Variants in YIPF6 observed in about 807,000 individuals in gnomAD.
The protein encoded by YIPF6 is Yip1 domain family member 6, also known as protein YIPF6.
YIPF6 carries 3 observed loss-of-function variants against 16.8 expected under a neutral mutation model. The ratio of observed to expected loss-of-function variants is 0.18; its 90% CI spans 0.08 to 0.46. YIPF6 has a LOEUF of 0.46. YIPF6 is among the 20% of genes least tolerant of loss of function. The probability of loss-of-function intolerance (pLI) is 0.98; values close to 1 mark genes in which losing one functional copy is unlikely to be tolerated. For synonymous variants in YIPF6, 67 were observed against 61.9 expected, an observed-to-expected ratio of 1.08 and a Z score of -0.38; for missense variants, 145 against 184.9, an observed-to-expected ratio of 0.78 and a Z score of 1.25.
intron 4 of YIPF6, among the ~76,000 whole-genome samples, chrX:68,520,617 G>A (rs1044798007): frequency 1.8e-5 from 2 of 111,150 alleles, no homozygotes; most frequent in African/African-American, 3.3e-5. Context: ...GACTATAGGC[G>A]TGTACCACCA....
chrX:68,500,535 G>A (rs568373707), intron 1 of YIPF6, among the ~76,000 whole-genome samples: 1 of 111,026 alleles, frequency 9.0e-6, no homozygotes, highest in African/African-American at 3.3e-5. Flanking sequence ...GGCTAGTCTC[G>A]AACTCCTGAC....
At chrX:68,528,747 G>C (rs1285305897) in intron 6 of YIPF6, among the ~76,000 whole-genome samples, 2 of 111,503 alleles carry the variant, frequency 1.8e-5, no homozygotes, top group Admixed American at 1.9e-4. Flanking sequence ...ATGAAGATTA[G>C]TTTGTCTGGA....
At chrX:68,504,147 C>T (rs192127082) in intron 1 of YIPF6, among the ~76,000 whole-genome samples, 117 of 112,025 alleles carry the variant, frequency 1.0e-3, no homozygotes, top group Non-Finnish European at 1.9e-3. Context: ...ATACACAGGG[C>T]GAGGTCTGAC....
intron 3 of YIPF6, among the ~76,000 whole-genome samples, chrX:68,516,016 C>T (rs777262246): frequency 3.6e-5 from 4 of 110,685 alleles, no homozygotes; most frequent in South Asian, 3.8e-4. Context: ...CCAGCTACTC[C>T]GGAGGCTGAG....
At chrX:68,522,544 A>ACC (rs375985805) in intron 5 of YIPF6, among the ~76,000 whole-genome samples, 1 of 108,379 alleles carries the variant, frequency 9.2e-6, no homozygotes, top group Non-Finnish European at 1.9e-5. Context: ...CAGGTGATCC[A>ACC]CCCCCCCACC....
At chrX:68,520,669 G>A (rs1756780304) in intron 4 of YIPF6, among the ~76,000 whole-genome samples, 1 of 110,896 alleles carries the variant, frequency 9.0e-6, no homozygotes, top group Non-Finnish European at 1.9e-5. Context: ...CGGGGGTTTC[G>A]TCATGTTGCC....
At chrX:68,506,888 T>G (rs1285091174) in intron 1 of YIPF6, among the ~76,000 whole-genome samples, 3 of 111,519 alleles carry the variant, frequency 2.7e-5, no homozygotes, top group Non-Finnish European at 5.6e-5. Flanking sequence ...TAGCTGGAAC[T>G]ATAGGTGTGT....
rs186129207 is a variant in YIPF6, at chrX:68,526,200, T to A, written c.592+3283T>A. The stretch of plus-strand genomic sequence containing the variant: ...TAGTTCTCCTTGAAGAGGTCCTTCA[T>A]ATCCCTTGTAAGTTGGATTCCTAGG... On this transcript the variant is annotated intron_variant, in intron 6 of 6. Transcript: ENST00000462683. 2.0e-3 allele frequency among the ~76,000 whole-genome samples: 224 copies of A among 111,418 alleles called. 2 individuals carry two copies. The highest frequency in any genetic ancestry group is 7.0e-3 in the African/African-American group (214 of 30,758).
Position 68,536,388 on chromosome X carries a change from A to G in YIPF6, c.*4389A>G, listed in dbSNP as rs1465102409. On this transcript the variant is annotated 3_prime_UTR_variant, in exon 7 of 7. Transcript: ENST00000462683. ...AATTGAGGCACTGAGAGGTTAAGTAAATTGCCCACGGTCACACAGTAATTT... is the reference window on the plus strand; with the variant it reads ...AATTGAGGCACTGAGAGGTTAAGTAGATTGCCCACGGTCACACAGTAATTT... 9.0e-6 allele frequency: 1 copy of G among 111,555 alleles called. No homozygotes were observed. The allele number at this position is 111,555 out of a possible 1,213,427, so 9.2% of individuals were successfully genotyped here.
chrX:68,521,675 C>A (rs150870435), intron 5 of YIPF6, among the ~76,000 whole-genome samples, 178 bp downstream of exon 5: 43 of 108,467 alleles, frequency 4.0e-4, no homozygotes, highest in African/African-American at 1.2e-3. Flanking sequence ...CCAGGCTCAG[C>A]GTCCCAAGTA....
intron 1 of YIPF6, among the ~76,000 whole-genome samples, chrX:68,507,884 G>A (rs1392367553): frequency 1.8e-5 from 2 of 110,326 alleles, no homozygotes; most frequent in African/African-American, 3.3e-5. Context: ...GATTACAGGC[G>A]TGAGCCACCA....
At chrX:68,499,797 C>G (rs979840758) in intron 1 of YIPF6, among the ~76,000 whole-genome samples, 1 of 111,839 alleles carries the variant, frequency 8.9e-6, no homozygotes, top group African/African-American at 3.3e-5. Context: ...GTCACCACAC[C>G]AGGCTAATTT....
intron 2 of YIPF6, among the ~76,000 whole-genome samples, chrX:68,512,849 A>G (rs955830714): frequency 1.3e-5 from 1 of 76,424 alleles, no homozygotes; most frequent in Non-Finnish European, 2.6e-5. Flanking sequence ...TTTTTTTTGT[A>G]TCTGGCATCT....
intron 1 of YIPF6, among the ~76,000 whole-genome samples, chrX:68,500,580 G>T (rs866568003): frequency 8.9e-6 from 1 of 111,802 alleles, no homozygotes; most frequent in Middle Eastern, 4.6e-3. Flanking sequence ...CTCCCAAAGT[G>T]CTGGGACACA....
rs373713089 is a variant in YIPF6 at position 68,500,338 on chromosome X, G to A, written c.57+1215G>A. 1.5e-4 allele frequency among the ~76,000 whole-genome samples: 16 copies of A among 108,063 alleles called. No individual in the cohort carries two copies. The East Asian group carries it at 3.8e-3, about 25-fold the overall frequency. The allele number at this position is 108,063 out of a possible 115,157, so 93.8% of individuals were successfully genotyped here. A position where few individuals can be genotyped will look rare whatever the true frequency, so the allele number is the denominator to read the frequency against. ...TTTTTTCTTTTTCTTTTTTTGAGAC[G>A]GAGTTTTGCTCTTGTCACCCAGGTT... On this transcript the variant is annotated intron_variant, in intron 1 of 6. Coordinates refer to ENST00000462683, the MANE Select transcript of YIPF6 (RefSeq NM_173834.4).
At chrX:68,519,903 T>C (rs1273368834) in intron 4 of YIPF6, among the ~76,000 whole-genome samples, 1 of 111,718 alleles carries the variant, frequency 9.0e-6, no homozygotes, top group African/African-American at 3.3e-5. Context: ...AGCATATATA[T>C]TTTTTTTACT....
chrX:68,531,752 A>G (rs2079172342), intron 6 of YIPF6, 129 bp from the exon 7 acceptor site: 1 of 425,526 alleles, frequency 2.4e-6, no homozygotes. Flanking sequence ...GATCACCAGT[A>G]TAACTAAACT....
chrX:68,517,241 G>A (rs1262271207), intron 3 of YIPF6, among the ~76,000 whole-genome samples: 4 of 111,844 alleles, frequency 3.6e-5, no homozygotes, highest in Middle Eastern at 4.6e-3. Flanking sequence ...TCTGCCACCC[G>A]GGTTCAAGCA....
chrX:68,509,666 T>C (rs2079072837), intron 1 of YIPF6, among the ~76,000 whole-genome samples: 1 of 111,363 alleles, frequency 9.0e-6, no homozygotes, highest in African/African-American at 3.3e-5. Context: ...AGTGATCCTG[T>C]CCCCCTCCTA....
Sources: allele counts gnomAD v4.1 joint callset (sites outside exome capture counted in the v4.1 genomes callset), GRCh38; gene constraint gnomAD v4.1.1; transcripts MANE v1.5; gene names NCBI Gene and HGNC (gene_info 2026-07-23, HGNC 2026-07-21).